FRMD5: variants seen among roughly 807,000 people sequenced by gnomAD.
FRMD5 encodes FERM domain containing 5.
A neutral mutation model predicts 69.0 loss-of-function variants in FRMD5; 20 were observed. That is an observed-to-expected ratio of 0.29 (90% confidence interval 0.20 to 0.42). The LOEUF (loss-of-function observed/expected upper bound fraction) is 0.42, where lower values mean the gene tolerates loss of function less well. Among genes scored for constraint, FRMD5 ranks in the 10% least tolerant of loss-of-function variants. The pLI is 1.00. For missense variants in FRMD5, 595 were observed against 708.6 expected, an observed-to-expected ratio of 0.84 and a Z score of 1.82; for synonymous variants, 271 against 260.1, an observed-to-expected ratio of 1.04 and a Z score of -0.40.
chr15:44,013,454 C>T (rs1890815319), intron 1 of FRMD5, among the ~76,000 whole-genome samples: 1 of 152,194 alleles, frequency 6.6e-6, no homozygotes, highest in South Asian at 2.1e-4. Context: ...AAATCATGGA[C>T]TTAACCATGG....
Position 43,898,413 on chromosome 15 carries a change from C to T in FRMD5, c.639+3762G>A, listed in dbSNP as rs185546643. 3.3e-5 allele frequency among the ~76,000 whole-genome samples: 5 copies of T among 152,314 alleles called. No homozygotes were observed. The South Asian group carries it at 8.3e-4, about 25-fold the overall frequency. On this transcript the variant is annotated intron_variant, in intron 7 of 13. Transcript: ENST00000417257. ...CTTAAAATAAGGACAAGAATATCTT[C>T]TTAGCAGTGATGTTGTAAAGATTCA...
chr15:44,148,640 T>C (rs2140464849), intron 1 of FRMD5, among the ~76,000 whole-genome samples: 1 of 152,170 alleles, frequency 6.6e-6, no homozygotes, highest in Non-Finnish European at 1.5e-5. Context: ...GTGCCATTTT[T>C]CCAACAGCTG....
At chr15:44,027,651 G>GT (rs759567597) in intron 1 of FRMD5, among the ~76,000 whole-genome samples, 8,238 of 73,836 alleles carry the variant, frequency 0.11, 991 homozygotes, top group African/African-American at 0.26. Context: ...TTTTTTTTTT[G>GT]TTTTTTTTTT....
Position 44,162,900 on chromosome 15 carries a change from C to A in FRMD5, c.102+32053G>T, listed in dbSNP as rs1159560427. Reference sequence around the variant, plus strand: ...AAAAAAAAAAAAAAACAAGGCTGGGCGCGGTGGCTCACGCCTGTAATCCCA... The same window carrying A: ...AAAAAAAAAAAAAAACAAGGCTGGGAGCGGTGGCTCACGCCTGTAATCCCA... On this transcript the variant is annotated intron_variant, in intron 1 of 13. Coordinates refer to ENST00000417257, the MANE Select transcript of FRMD5 (RefSeq NM_032892.5). 5.4e-5 allele frequency among the ~76,000 whole-genome samples: 8 copies of A among 148,226 alleles called. No individual in the cohort carries two copies. In the East Asian group the frequency reaches 1.4e-3, roughly 26 times the overall value.
chr15:44,165,365 T>A (rs1317061733), intron 1 of FRMD5, among the ~76,000 whole-genome samples: 1 of 152,134 alleles, frequency 6.6e-6, no homozygotes, highest in African/African-American at 2.4e-5. Flanking sequence ...GAGGTTGAAG[T>A]GAGCTGAGAT....
chr15:43,916,232 G>A (rs572185562), intron 4 of FRMD5, among the ~76,000 whole-genome samples: 25 of 152,346 alleles, frequency 1.6e-4, no homozygotes, highest in Non-Finnish European at 2.1e-4. Flanking sequence ...CCTGGCCATG[G>A]TCCTAATGCT....
chr15:44,030,804 G>A (rs778535793), intron 1 of FRMD5, among the ~76,000 whole-genome samples: 4 of 152,140 alleles, frequency 2.6e-5, no homozygotes, highest in Non-Finnish European at 2.9e-5. Context: ...TTGAAGTTAC[G>A]TGGAAAGGAA....
intron 1 of FRMD5, among the ~76,000 whole-genome samples, chr15:44,083,570 A>G (rs1159043095): frequency 1.3e-5 from 2 of 151,868 alleles, no homozygotes; most frequent in Non-Finnish European, 2.9e-5. Context: ...CACTGCTTTT[A>G]TTTCATTGTT....
At chr15:43,919,257 G>C in intron 4 of FRMD5, 1 of 720,962 alleles carries the variant, frequency 1.4e-6, no homozygotes, top group Non-Finnish European at 2.6e-6. Context: ...TTGAAGGAAA[G>C]AAGTCCACTC....
At chr15:43,903,358 A>G (rs1166246409) in intron 6 of FRMD5, among the ~76,000 whole-genome samples, 1 of 152,194 alleles carries the variant, frequency 6.6e-6, no homozygotes, top group Non-Finnish European at 1.5e-5. Flanking sequence ...AGCTGACCCC[A>G]GGCCAGATTC....
chr15:44,044,106 T>C (rs1472839425), intron 1 of FRMD5, among the ~76,000 whole-genome samples: 1 of 151,706 alleles, frequency 6.6e-6, no homozygotes, highest in Non-Finnish European at 1.5e-5. Flanking sequence ...AAAAAGTGGG[T>C]GAAGGATATG....
At chr15:43,948,615 A>G (rs1366989529) in intron 1 of FRMD5, among the ~76,000 whole-genome samples, 1 of 152,124 alleles carries the variant, frequency 6.6e-6, no homozygotes, top group Non-Finnish European at 1.5e-5. Flanking sequence ...AGGAGGGCAT[A>G]TTTTTTTCCA....
At position 44,072,485 on chromosome 15, in the gene FRMD5, G is replaced by T. The variant is rs547110255; in HGVS notation, c.102+122468C>A. ...CAGCTAGACTACCTTGCCCTCTCAA[G>T]GTGGAAAAAAAAGATTACTATAAAA... is the stretch of plus-strand genomic sequence containing the variant. On this transcript the variant is annotated intron_variant, in intron 1 of 13. Transcript: ENST00000417257. Among the ~76,000 whole-genome samples, 6 of 151,980 alleles carry T rather than the reference G, an allele frequency of 3.9e-5. No individual in the cohort carries two copies. The South Asian group carries it at 1.2e-3, about 32-fold the overall frequency.
intron 1 of FRMD5, among the ~76,000 whole-genome samples, chr15:44,068,739 AAATTTTATGACATGTG>A (rs1251256639): frequency 6.6e-6 from 1 of 152,224 alleles, no homozygotes; most frequent in East Asian, 1.9e-4. Flanking sequence ...TTAAACAGGC[AAATTTTATGACATGTG>A]AATCTTGTGT....
At chr15:44,167,787 C>T (rs2077735271) in intron 1 of FRMD5, among the ~76,000 whole-genome samples, 2 of 152,140 alleles carry the variant, frequency 1.3e-5, no homozygotes, top group South Asian at 4.1e-4. Flanking sequence ...GACGGGGTTT[C>T]GCTATGTTGG....
Position 43,987,897 on chromosome 15 carries a change from A to T in FRMD5, c.103-63588T>A, listed in dbSNP as rs1323936274. ...AATGAAATAATTATAAATTCACCATAATGTAGAATCAGTGGGAGCCCTGAG... is the reference window on the plus strand; with the variant it reads ...AATGAAATAATTATAAATTCACCATTATGTAGAATCAGTGGGAGCCCTGAG... On this transcript the variant is annotated intron_variant, in intron 1 of 13. Coordinates refer to ENST00000417257, the MANE Select transcript of FRMD5 (RefSeq NM_032892.5). Among the ~76,000 whole-genome samples, 7 of 152,246 alleles carry T rather than the reference A, an allele frequency of 4.6e-5. No homozygotes were observed. The East Asian group carries it at 1.3e-3, about 29-fold the overall frequency.
At chr15:44,099,736 A>T (rs2076609151) in intron 1 of FRMD5, among the ~76,000 whole-genome samples, 2 of 152,152 alleles carry the variant, frequency 1.3e-5, no homozygotes, top group Admixed American at 6.5e-5. Flanking sequence ...AAGTACCATA[A>T]AGAGGCCAGC....
At chr15:43,966,198 G>A (rs2090292101) in intron 1 of FRMD5, among the ~76,000 whole-genome samples, 2 of 151,668 alleles carry the variant, frequency 1.3e-5, no homozygotes, top group Admixed American at 6.6e-5. Context: ...TGGTGAAACC[G>A]CATCTCTAAT....
chr15:44,156,850 C>T (rs1404761377), intron 1 of FRMD5, among the ~76,000 whole-genome samples: 2 of 152,096 alleles, frequency 1.3e-5, no homozygotes, highest in African/African-American at 4.8e-5. Context: ...GAGGACTGCT[C>T]CAGCTCAAGA....
Sources: allele counts gnomAD v4.1 joint callset (sites outside exome capture counted in the v4.1 genomes callset), GRCh38; gene constraint gnomAD v4.1.1; transcripts MANE v1.5; gene names NCBI Gene and HGNC (gene_info 2026-07-23, HGNC 2026-07-21).